COL23A1: variants seen among roughly 807,000 people sequenced by gnomAD.
COL23A1 encodes the protein collagen type XXIII alpha 1 chain.
In COL23A1, 97 loss-of-function variants were observed where a neutral mutation model predicts 99.3. The ratio of observed to expected loss-of-function variants is 0.98; its 90% CI spans 0.83 to 1.16. The LOEUF is 1.16. COL23A1 is among the 50% of genes most tolerant of loss of function. The pLI is 0.00. For synonymous variants in COL23A1, 320 were observed against 308.2 expected (o/e 1.04, Z -0.40); for missense variants, 762 against 757.4 (o/e 1.01, Z -0.07).
intron 2 of COL23A1, among the ~76,000 whole-genome samples, chr5:178,514,541 C>T (rs988454916): frequency 2.0e-5 from 3 of 152,204 alleles, no homozygotes; most frequent in African/African-American, 7.2e-5. Flanking sequence ...AATCTGAATC[C>T]ACAACCTGTG....
At chr5:178,535,412 G>A (rs943093913) in intron 2 of COL23A1, among the ~76,000 whole-genome samples, 2 of 152,232 alleles carry the variant, frequency 1.3e-5, no homozygotes, top group Non-Finnish European at 2.9e-5. Context: ...CGTGGGTGTG[G>A]GCAAGGCCAC....
chr5:178,542,064 C>T (rs1336654128), intron 2 of COL23A1, among the ~76,000 whole-genome samples: 1 of 152,150 alleles, frequency 6.6e-6, no homozygotes, highest in Admixed American at 6.5e-5. Context: ...ACTCTTGTCG[C>T]CCAGGCTGGA....
At chr5:178,311,728 G>T (rs146016848) in intron 2 of COL23A1, among the ~76,000 whole-genome samples, 1,319 of 11,772 alleles carry the variant, frequency 0.11, 273 homozygotes, top group Non-Finnish European at 0.22. Context: ...TTTTTGTTTT[G>T]TTTTGTTTTG....
At chr5:178,456,750 A>T (rs2127885093) in intron 2 of COL23A1, among the ~76,000 whole-genome samples, 1 of 152,338 alleles carries the variant, frequency 6.6e-6, no homozygotes, top group Non-Finnish European at 1.5e-5. Context: ...TAGAAAAAAA[A>T]ATGATAAAAA....
At chr5:178,421,730 G>A (rs1168950348) in intron 2 of COL23A1, among the ~76,000 whole-genome samples, 6 of 152,152 alleles carry the variant, frequency 3.9e-5, no homozygotes, top group Non-Finnish European at 7.3e-5. Flanking sequence ...TTACCTGGGC[G>A]TTGTGGCAGG....
chr5:178,558,179 C>T (rs1762383269), intron 2 of COL23A1, among the ~76,000 whole-genome samples: 1 of 151,990 alleles, frequency 6.6e-6, no homozygotes, highest in Admixed American at 6.6e-5. Context: ...TTCAGGACCC[C>T]TGTTCCCTGC....
intron 2 of COL23A1, among the ~76,000 whole-genome samples, chr5:178,363,645 C>T (rs566031945): frequency 6.6e-6 from 1 of 152,330 alleles, no homozygotes; most frequent in East Asian, 1.9e-4. Flanking sequence ...CCCACAGTCC[C>T]ACAGGAGCGC....
In COL23A1 at chr5:178,362,664, C is replaced by T. The variant is rs188092717; in HGVS notation, c.362-55745G>A. 1.3e-3 allele frequency among the ~76,000 whole-genome samples: 202 copies of T among 152,246 alleles called. 1 individual carries two copies. Among genetic ancestry groups the T allele is most frequent in the African/African-American group, 4.5e-3 (185 of 41,530 alleles). ...GTGTAAAATGTCACCCAGGAGTCTC[C>T]GCCATGGGACTTCTGTTGGAACTAT... is the stretch of plus-strand genomic sequence containing the variant. On this transcript the variant is annotated intron_variant, in intron 2 of 28. Transcript: ENST00000390654.
At chr5:178,263,396 T>C in intron 8 of COL23A1, 72 bp from the exon 9 acceptor site, 1 of 957,026 alleles carries the variant, frequency 1.0e-6, no homozygotes, top group African/African-American at 1.7e-5. Context: ...CTCCCTCAGA[T>C]GGGCAGCCCC....
intron 2 of COL23A1, among the ~76,000 whole-genome samples, chr5:178,418,400 A>G (rs912184162): frequency 1.3e-5 from 2 of 152,174 alleles, no homozygotes; most frequent in Admixed American, 6.5e-5. Flanking sequence ...TCCTTCCCCT[A>G]CGTTCCAGCT....
intron 1 of COL23A1, among the ~76,000 whole-genome samples, chr5:178,588,616 T>C (rs1764116887): frequency 6.6e-6 from 1 of 151,992 alleles, no homozygotes; most frequent in Non-Finnish European, 1.5e-5. Context: ...AAGGGTAAAA[T>C]AGGAAATCAT....
intron 2 of COL23A1, among the ~76,000 whole-genome samples, chr5:178,534,952 ATTCCTTCTTT>A (rs1418636507): frequency 6.7e-6 from 1 of 148,210 alleles, no homozygotes; most frequent in Non-Finnish European, 1.5e-5. Flanking sequence ...AAATCCACAG[ATTCCTTCTTT>A]TTCCTTTTTC....
intron 2 of COL23A1, among the ~76,000 whole-genome samples, chr5:178,537,918 G>A (rs375954192): frequency 3.9e-5 from 6 of 152,126 alleles, no homozygotes; most frequent in Non-Finnish European, 5.9e-5. Context: ...AGCTGTCCCC[G>A]TTCTCCCTGG....
intron 2 of COL23A1, among the ~76,000 whole-genome samples, chr5:178,404,708 A>G (rs1764660864): frequency 6.6e-6 from 1 of 152,084 alleles, no homozygotes; most frequent in Non-Finnish European, 1.5e-5. Context: ...CAGACCCCTC[A>G]TGTCCTCCGT....
At chr5:178,363,424 T>C (rs1168494445) in intron 2 of COL23A1, among the ~76,000 whole-genome samples, 1 of 152,210 alleles carries the variant, frequency 6.6e-6, no homozygotes, top group South Asian at 2.1e-4. Flanking sequence ...CATTCACTGA[T>C]TCACTCACTC....
chr5:178,406,554 C>T (rs1428536231), intron 2 of COL23A1, among the ~76,000 whole-genome samples: 3 of 152,032 alleles, frequency 2.0e-5, no homozygotes, highest in Non-Finnish European at 4.4e-5. Context: ...CTCAGCCTCC[C>T]GAGTAGCTGG....
intron 2 of COL23A1, among the ~76,000 whole-genome samples, chr5:178,312,732 C>T (rs550815864): frequency 6.6e-6 from 1 of 152,320 alleles, no homozygotes; most frequent in Admixed American, 6.5e-5. Flanking sequence ...TGGCTGCTTC[C>T]TGTGGGCTCC....
chr5:178,438,057 G>C (rs1022894895), intron 2 of COL23A1, among the ~76,000 whole-genome samples: 1 of 152,254 alleles, frequency 6.6e-6, no homozygotes, highest in Non-Finnish European at 1.5e-5. Context: ...AAGAGGACCT[G>C]GGGCCAAAGA....
chr5:178,328,178 G>A (rs11958296), intron 2 of COL23A1, among the ~76,000 whole-genome samples: 12,300 of 152,192 alleles, frequency 0.081, 590 homozygotes, highest in Middle Eastern at 0.15. Flanking sequence ...CTGCCACGGC[G>A]AATGTCTGGG....
Sources: gnomAD v4.1 joint callset for allele counts (sites outside exome capture counted in the v4.1 genomes callset) on GRCh38, gnomAD v4.1.1 for gene constraint, MANE v1.5 for transcripts, NCBI Gene and HGNC (gene_info 2026-07-23, HGNC 2026-07-21) for gene names.